The following GREM1 variants were observed in gnomAD, a reference collection of about 807,000 sequenced individuals.
The protein encoded by GREM1 is gremlin 1, DAN family BMP antagonist.
GREM1 carries 6 observed loss-of-function variants against 13.1 expected under a neutral mutation model. The ratio of observed to expected loss-of-function variants is 0.46; its 90% CI spans 0.25 to 0.91. GREM1 has a LOEUF of 0.91. GREM1 is among the 40% of genes least tolerant of loss of function. The probability of loss-of-function intolerance (pLI) is 0.18; values close to 1 mark genes in which losing one functional copy is unlikely to be tolerated. For missense variants in GREM1, 185 were observed against 233.9 expected (o/e 0.79, Z 1.36); for synonymous variants, 98 against 93.7 (o/e 1.05, Z -0.27).
chr15:32,718,871 A>G (rs1019452361), intron 1 of GREM1: 2 of 212,548 alleles, frequency 9.4e-6, no homozygotes, highest in Non-Finnish European at 1.9e-5. Flanking sequence ...CCGGCCACGC[A>G]CTCGCGGGCG....
At position 32,733,019 on chromosome 15, in the gene GREM1, G is replaced by A. The variant is rs139371510; in HGVS notation, c.*1774G>A. On this transcript the variant is annotated 3_prime_UTR_variant, in exon 2 of 2. Coordinates refer to ENST00000651154, the MANE Select transcript of GREM1 (RefSeq NM_013372.7). ...GAGAAGCTGTTTTTATTTCGTTTTT[G>A]TTTTGATCCAGTGCTCTCCCATCTA... The A allele has an allele frequency of 4.4e-5, 10 of 227,322 alleles. No individual in the cohort carries two copies. Among genetic ancestry groups the A allele is most frequent in the African/African-American group, 2.0e-4 (9 of 44,394 alleles). 14.1% of individuals were successfully genotyped at this position (227,322 alleles called of 1,614,324 possible). A position where few individuals can be genotyped will look rare whatever the true frequency, so the allele number is the denominator to read the frequency against.
In GREM1 at chr15:32,720,078, C is replaced by CGTGTGT. The variant is rs370172363; in HGVS notation, c.-2+1928_-2+1933dup. On this transcript the variant is annotated intron_variant, in intron 1 of 1. Coordinates refer to ENST00000651154, the MANE Select transcript of GREM1 (RefSeq NM_013372.7). ...TAGCAGGGTAGTGGCAGTATGTGTG[C>CGTGTGT]GTGTGTGTGTGTGTGTCTGTGTGTG... 7.9e-5 allele frequency among the ~76,000 whole-genome samples: 12 copies of CGTGTGT among 150,972 alleles called. No homozygotes were observed. The East Asian group carries it at 2.1e-3, about 27-fold the overall frequency.
chr15:32,733,043 TAAC>T lies in GREM1; in HGVS notation c.*1802_*1804del, dbSNP rs1168467734. The T allele has an allele frequency of 4.4e-6, 1 of 229,484 alleles. No individual in the cohort carries two copies. Among genetic ancestry groups the T allele is most frequent in the Non-Finnish European group, 9.4e-6 (1 of 106,388 alleles). 14.2% of individuals were successfully genotyped at this position (229,484 alleles called of 1,614,324 possible). A position where few individuals can be genotyped will look rare whatever the true frequency, so the allele number is the denominator to read the frequency against. ...TGTTTTGATCCAGTGCTCTCCCATC[TAAC>T]AACTAAACAGGAGCCATTTCAAGGC... On this transcript the variant is annotated 3_prime_UTR_variant, in exon 2 of 2. Transcript: ENST00000651154.
At chr15:32,725,864 GT>G (rs2055493055) in intron 1 of GREM1, among the ~76,000 whole-genome samples, 1 of 152,062 alleles carries the variant, frequency 6.6e-6, no homozygotes, top group Non-Finnish European at 1.5e-5. Flanking sequence ...TGGCTAGCCG[GT>G]TTTCCCAACG....
chr15:32,718,337 C>A (rs1199397397), intron 1 of GREM1, 176 bp downstream of exon 1: 1 of 532,510 alleles, frequency 1.9e-6, no homozygotes. Context: ...GCTGAGGCCG[C>A]GGACACCGTG....
rs17816260 is a variant in GREM1 at position 32,731,484 on chromosome 15, A to C, written c.*239A>C. 316,251 of 564,408 alleles carry C rather than the reference A, an allele frequency of 0.56. 92,051 individuals are homozygous for C. Among genetic ancestry groups the C allele is most frequent in the East Asian group, 0.72 (23,938 of 33,422 alleles). 35.0% of individuals were successfully genotyped at this position (564,408 alleles called of 1,614,324 possible). ...AGAGAGCACTCCCTATTTTGTAAAC[A>C]TATCTGCTTTAATGGGGATGTACCA... On this transcript the variant is annotated 3_prime_UTR_variant, in exon 2 of 2. Coordinates refer to ENST00000651154, the MANE Select transcript of GREM1 (RefSeq NM_013372.7).
At chr15:32,719,558 G>C (rs1244341405) in intron 1 of GREM1, among the ~76,000 whole-genome samples, 1 of 152,028 alleles carries the variant, frequency 6.6e-6, no homozygotes, top group Non-Finnish European at 1.5e-5. Context: ...TAAACGGTCC[G>C]AGGGCAGAGA....
Position 32,718,026 on chromosome 15 carries a change from C to G in GREM1, c.-137C>G, listed in dbSNP as rs2055323191. 11 of 1,081,858 alleles carry G rather than the reference C, an allele frequency of 1.0e-5. No homozygotes were observed. Among genetic ancestry groups the G allele is most frequent in the Non-Finnish European group, 1.2e-5 (11 of 890,312 alleles). The allele number at this position is 1,081,858 out of a possible 1,614,324, so 67.0% of individuals were successfully genotyped here. On this transcript the variant is annotated 5_prime_UTR_variant, in exon 1 of 2. Coordinates refer to ENST00000651154, the MANE Select transcript of GREM1 (RefSeq NM_013372.7). The stretch of plus-strand genomic sequence containing the variant: ...GGCACTCGGTGCGCCTTCCGCGGAC[C>G]GGGCGACCCAGTGCACGGCCGCCGC...
rs749572971 is a variant in GREM1 at position 32,731,288 on chromosome 15, C to T, written c.*43C>T. The T allele has an allele frequency of 1.1e-5, 16 of 1,461,644 alleles. No homozygotes were observed. The highest frequency in any genetic ancestry group is 1.3e-5 in the Non-Finnish European group (14 of 1,055,978). The allele number at this position is 1,461,644 out of a possible 1,614,324, so 90.5% of individuals were successfully genotyped here. The stretch of plus-strand genomic sequence containing the variant: ...CCAGCATGTCCTAGGAATGCAGCCC[C>T]AGGAAGTCCCAGACCTAAAACAACC... On this transcript the variant is annotated 3_prime_UTR_variant, in exon 2 of 2. Transcript: ENST00000651154.
Position 32,735,051 on chromosome 15 carries a change from T to TGATAAGAGTGATTGGCAATACCATGA in GREM1, c.*3807_*3808insATAAGAGTGATTGGCAATACCATGAG, listed in dbSNP as rs2055680046. On this transcript the variant is annotated 3_prime_UTR_variant, in exon 2 of 2. Coordinates refer to ENST00000651154, the MANE Select transcript of GREM1 (RefSeq NM_013372.7). ...CTCAGTAGAAGGAAAAGCTTCCTAGTGGTAAGAGTGATTGGCAATACCATG... is the reference window on the plus strand; with the variant it reads ...CTCAGTAGAAGGAAAAGCTTCCTAGTGATAAGAGTGATTGGCAATACCATGAGGTAAGAGTGATTGGCAATACCATG... The TGATAAGAGTGATTGGCAATACCATGA allele has an allele frequency of 1.3e-5, 2 of 152,350 alleles. No homozygotes were observed. The highest frequency in any genetic ancestry group is 1.3e-4 in the Admixed American group (2 of 15,302). 9.4% of individuals were successfully genotyped at this position (152,350 alleles called of 1,614,324 possible).
At chr15:32,721,313 A>G (rs1048475794) in intron 1 of GREM1, among the ~76,000 whole-genome samples, 1 of 152,230 alleles carries the variant, frequency 6.6e-6, no homozygotes, top group Admixed American at 6.5e-5. Context: ...TGAAAAATAA[A>G]TGATAAAATT....
Position 32,730,762 on chromosome 15 carries a change from G to C in GREM1, c.72G>C (p.Gly24=), listed in dbSNP as rs267604152. The C allele has an allele frequency of 1.2e-6, 2 of 1,611,988 alleles. No individual in the cohort carries two copies. The change falls in exon 2 of 2, where the codon GGG becomes GGC. Residue 24 remains glycine (G), a synonymous_variant. Transcript: ENST00000651154. ...LLGTLLPAAE[G]KKKGSQGAIP... ...GGACCCTGCTGCCGGCTGCTGAAGG[G>C]AAAAAGAAAGGGTCCCAAGGTGCCA...
At chr15:32,726,649 G>A (rs1052431841) in intron 1 of GREM1, among the ~76,000 whole-genome samples, 3 of 149,250 alleles carry the variant, frequency 2.0e-5, no homozygotes, top group Non-Finnish European at 4.4e-5. Flanking sequence ...TAAGATCAGA[G>A]CAGAACTGAA....
chr15:32,743,826 T>G lies in GREM1; in HGVS notation c.*12581T>G, dbSNP rs937512896. Reference sequence around the variant, plus strand: ...TCCCGCTCCAAGTCCCAGCCAGATATGTGAAAAACAATCCTTGCAGAACAA... The same window carrying G: ...TCCCGCTCCAAGTCCCAGCCAGATAGGTGAAAAACAATCCTTGCAGAACAA... On this transcript the variant is annotated 3_prime_UTR_variant, in exon 2 of 2. Coordinates refer to ENST00000651154, the MANE Select transcript of GREM1 (RefSeq NM_013372.7). 5 of 152,086 alleles carry G rather than the reference T, an allele frequency of 3.3e-5. No individual in the cohort carries two copies. The highest frequency in any genetic ancestry group is 7.4e-5 in the Non-Finnish European group (5 of 68,004). The allele number at this position is 152,086 out of a possible 1,614,324, so 9.4% of individuals were successfully genotyped here.
In GREM1 at chr15:32,731,225, A is replaced by G. The variant is rs942578260; in HGVS notation, c.535A>G (p.Ile179Val). Residue 179 changes from isoleucine (I) to valine (V), a missense_variant, in exon 2 of 2, where the codon ATA (isoleucine) becomes GTA (valine). Physicochemically the swap from Ile to Val is conservative, Grantham distance 29. Coordinates refer to ENST00000651154, the MANE Select transcript of GREM1 (RefSeq NM_013372.7). ...CACACGTGTGAAGCAGTGTCGTTGC[A>G]TATCCATCGATTTGGATTAAGCCAA... is the stretch of plus-strand genomic sequence containing the variant. ...RVTRVKQCRC[I>V]SIDLD is the part of the protein sequence containing the mutation. 8 of 1,613,578 alleles carry G rather than the reference A, an allele frequency of 5.0e-6. No individual in the cohort carries two copies. The African/African-American group carries it at 1.1e-4, about 22-fold the overall frequency.
rs1045884893 is a variant in GREM1 at position 32,734,682 on chromosome 15, C to T, written c.*3437C>T. ...TATTCTTTCTGTGTGTGTGAGCGTG[C>T]GTTTGTGTTTGGTAGTGTTCCTAGG... On this transcript the variant is annotated 3_prime_UTR_variant, in exon 2 of 2. Transcript: ENST00000651154. 3.9e-5 allele frequency: 9 copies of T among 228,620 alleles called. No homozygotes were observed. Among genetic ancestry groups the T allele is most frequent in the South Asian group, 3.7e-4 (2 of 5,438 alleles). 14.2% of individuals were successfully genotyped at this position (228,620 alleles called of 1,614,324 possible). A position where few individuals can be genotyped will look rare whatever the true frequency, so the allele number is the denominator to read the frequency against.
chr15:32,730,711 G>A lies in GREM1; in HGVS notation c.21G>A (p.Thr7=), dbSNP rs1017180089. The A allele has an allele frequency of 5.7e-6, 9 of 1,570,520 alleles. No individual in the cohort carries two copies. In the African/African-American group the frequency reaches 9.5e-5, roughly 17 times the overall value. ...TTAGTATGAGCCGCACAGCCTACAC[G>A]GTGGGAGCCCTGCTTCTCCTCTTGG... The part of the protein sequence containing the change: MSRTAY[T]VGALLLLLGT... The change falls in exon 2 of 2, where the codon ACG becomes ACA. Residue 7 remains threonine (T), a synonymous_variant. Coordinates refer to ENST00000651154, the MANE Select transcript of GREM1 (RefSeq NM_013372.7).
At chr15:32,730,066 G>A (rs958109761) in intron 1 of GREM1, among the ~76,000 whole-genome samples, 2 of 152,216 alleles carry the variant, frequency 1.3e-5, no homozygotes, top group African/African-American at 2.4e-5. Context: ...TGCTTAAATG[G>A]AGTGATTTAC....
rs2055627584 is a variant in GREM1, at chr15:32,731,992, A to T, written c.*747A>T. ...AAGGCCAATACCAGAACACAGGCTG[A>T]TGCTTCTGAGAAAGTCTTTTCCTAG... On this transcript the variant is annotated 3_prime_UTR_variant, in exon 2 of 2. Transcript: ENST00000651154. 8.7e-6 allele frequency: 2 copies of T among 230,502 alleles called. No individual in the cohort carries two copies. The highest frequency in any genetic ancestry group is 1.4e-4 in the East Asian group (2 of 14,618). The allele number at this position is 230,502 out of a possible 1,614,324, so 14.3% of individuals were successfully genotyped here.
Sources: gnomAD v4.1 joint callset for allele counts (sites outside exome capture counted in the v4.1 genomes callset) on GRCh38, gnomAD v4.1.1 for gene constraint, MANE v1.5 for transcripts, NCBI Gene and HGNC (gene_info 2026-07-23, HGNC 2026-07-21) for gene names.